The following ZNHIT3 variants were observed in gnomAD, a reference collection of about 807,000 sequenced individuals.
ZNHIT3 encodes the protein zinc finger HIT-type containing 3, also known as zinc finger HIT domain-containing protein 3.
Under a neutral mutation model 19.9 loss-of-function variants are expected in ZNHIT3, and 27 were observed. The observed-to-expected ratio is 1.36, with a 90% CI of 1.00 to 1.87. ZNHIT3 has a LOEUF of 1.87. ZNHIT3 is among the 40% of genes most tolerant of loss of function. The pLI, the probability that ZNHIT3 is intolerant of heterozygous loss-of-function variation, is 0.00. For missense variants in ZNHIT3, 215 were observed against 185.6 expected (o/e 1.16, Z -0.92); for synonymous variants, 81 against 65.7 (o/e 1.23, Z -1.13).
chr17:36,498,990 G>A (rs1599198388), downstream of ZNHIT3: 5 of 1,114,830 alleles, frequency 4.5e-6, no homozygotes, highest in Admixed American at 6.0e-5. Context: ...CTGCATTGCA[G>A]TGGCAGAGCC....
chr17:36,498,088 A>G (rs979813490), downstream of ZNHIT3: 10 of 616,358 alleles, frequency 1.6e-5, no homozygotes, highest in East Asian at 2.2e-4. Flanking sequence ...ATTCCCAGTT[A>G]TAACAAAATA....
chr17:36,498,962 C>T, downstream of ZNHIT3: 1 of 809,472 alleles, frequency 1.2e-6, no homozygotes, highest in South Asian at 1.6e-5. Flanking sequence ...AGAGGCTAAA[C>T]AACCTGCCCA....
intron 4 of ZNHIT3, among the ~76,000 whole-genome samples, chr17:36,494,837 A>G (rs1336254202): frequency 6.6e-6 from 1 of 152,218 alleles, no homozygotes; most frequent in African/African-American, 2.4e-5. Context: ...GAAAGAAAAC[A>G]TGCCAGCAGC....
downstream of ZNHIT3, chr17:36,497,514 G>T: frequency 2.0e-6 from 2 of 984,564 alleles, no homozygotes; most frequent in Non-Finnish European, 2.4e-6. Context: ...TCAAGTCTTG[G>T]GTAGTTTCTT....
intron 2 of ZNHIT3, 158 bp from the exon 3 acceptor site, chr17:36,492,655 T>C (rs1599151749): frequency 1.5e-6 from 1 of 670,210 alleles, no homozygotes; most frequent in East Asian, 2.5e-5. Flanking sequence ...TTAATCTCTC[T>C]CTTGCTTTGA....
At chr17:36,486,913 C>T (rs756240392) in intron 1 of ZNHIT3, 22 bp from the exon 2 acceptor site, 4 of 1,606,234 alleles carry the variant, frequency 2.5e-6, no homozygotes, top group East Asian at 2.3e-5. Context: ...GCTGACGCGG[C>T]CTGTGGCCTC....
chr17:36,498,498 TGA>T (rs775025313), downstream of ZNHIT3: 8 of 1,614,012 alleles, frequency 5.0e-6, no homozygotes, highest in South Asian at 6.6e-5. Context: ...ACAGGGAGCT[TGA>T]GAGAAGTGTT....
intron 4 of ZNHIT3, among the ~76,000 whole-genome samples, chr17:36,495,011 G>T (rs775762357): frequency 6.6e-6 from 1 of 152,128 alleles, no homozygotes; most frequent in Non-Finnish European, 1.5e-5. Context: ...ATTTTATAGA[G>T]GTGGGGTCTC....
downstream of ZNHIT3, chr17:36,498,362 C>A (rs2142690603): frequency 6.2e-7 from 1 of 1,613,988 alleles, no homozygotes; most frequent in East Asian, 2.2e-5. Flanking sequence ...GGAGGCAAGC[C>A]CAGACCACTA....
chr17:36,495,880 G>A (rs1003641455), downstream of ZNHIT3: 11 of 1,235,890 alleles, frequency 8.9e-6, no homozygotes, highest in Non-Finnish European at 1.0e-5. Flanking sequence ...AAATTCCAGC[G>A]CCAATTTTAG....
intron 2 of ZNHIT3, among the ~76,000 whole-genome samples, chr17:36,488,365 T>C (rs2070637280): frequency 6.6e-6 from 1 of 152,022 alleles, no homozygotes; most frequent in Non-Finnish European, 1.5e-5. Flanking sequence ...GCCAACATTA[T>C]GAAACCACAT....
downstream of ZNHIT3, among the ~76,000 whole-genome samples, chr17:36,497,403 A>G (rs1376630806): frequency 6.6e-6 from 1 of 152,078 alleles, no homozygotes; most frequent in African/African-American, 2.4e-5. Context: ...AAACCAAGCA[A>G]TACAATTTGG....
chr17:36,496,291 A>T, downstream of ZNHIT3: 1 of 1,614,064 alleles, frequency 6.2e-7, no homozygotes, highest in Non-Finnish European at 8.5e-7. Flanking sequence ...CACGTGGATC[A>T]GCCTGTGTCT....
chr17:36,492,728 C>T (rs2070755320), intron 2 of ZNHIT3, 85 bp from the exon 3 acceptor site: 2 of 1,216,610 alleles, frequency 1.6e-6, no homozygotes, highest in Non-Finnish European at 2.4e-6. Flanking sequence ...CACTTGCTTC[C>T]TACCTAGATG....
At chr17:36,498,333 G>C, downstream of ZNHIT3, 1 of 1,613,976 alleles carries the variant, frequency 6.2e-7, no homozygotes, top group Non-Finnish European at 8.5e-7. Context: ...GTAGCTACTG[G>C]GGCTGCCCCT....
chr17:36,498,301 G>A (rs1396180967), downstream of ZNHIT3: 3 of 1,613,750 alleles, frequency 1.9e-6, no homozygotes, highest in South Asian at 2.2e-5. Context: ...ACACCAGCCT[G>A]GTCTTGTGCT....
chr17:36,487,969 G>T (rs1218723577), intron 2 of ZNHIT3, among the ~76,000 whole-genome samples: 2 of 151,240 alleles, frequency 1.3e-5, no homozygotes, highest in Non-Finnish European at 2.9e-5. Context: ...GTGGTGGCCT[G>T]TGCCAGTGGT....
intron 2 of ZNHIT3, among the ~76,000 whole-genome samples, chr17:36,488,688 A>G (rs1241228769): frequency 2.0e-5 from 3 of 152,098 alleles, no homozygotes; most frequent in African/African-American, 7.2e-5. Context: ...TTTCTTTTTA[A>G]TATTTGTTTT....
chr17:36,492,495 C>T (rs1363578719), intron 2 of ZNHIT3: 2 of 292,624 alleles, frequency 6.8e-6, no homozygotes, highest in Non-Finnish European at 1.3e-5. Context: ...TAGTTTTATC[C>T]CATCTGGTAT....
Sources: gnomAD v4.1 joint callset for allele counts (sites outside exome capture counted in the v4.1 genomes callset) on GRCh38, gnomAD v4.1.1 for gene constraint, MANE v1.5 for transcripts, NCBI Gene and HGNC (gene_info 2026-07-23, HGNC 2026-07-21) for gene names.